Variants in CCDC178 observed in about 807,000 individuals in gnomAD.
The protein encoded by CCDC178 is coiled-coil domain containing 178.
CCDC178 carries 126 observed loss-of-function variants against 117.4 expected under a neutral mutation model. That is an observed-to-expected ratio of 1.07 (90% CI 0.93 to 1.24). The LOEUF (loss-of-function observed/expected upper bound fraction) is 1.24. CCDC178 is among the 50% of genes most tolerant of loss of function. The probability of loss-of-function intolerance (pLI) is 0.00; values close to 1 mark genes in which losing one functional copy is unlikely to be tolerated. For synonymous variants in CCDC178, 283 were observed against 313.4 expected, an observed-to-expected ratio of 0.90 and a Z score of 1.02; for missense variants, 1,030 against 986.9, an observed-to-expected ratio of 1.04 and a Z score of -0.59.
At chr18:33,280,546 G>C (rs1035551724) in intron 12 of CCDC178, among the ~76,000 whole-genome samples, 4 of 151,512 alleles carry the variant, frequency 2.6e-5, no homozygotes, top group Non-Finnish European at 2.9e-5. Flanking sequence ...TCAGTGTGGC[G>C]ATTCCTCAGG....
intron 21 of CCDC178, among the ~76,000 whole-genome samples, chr18:33,087,013 C>A (rs796279630): frequency 4.7e-5 from 6 of 128,178 alleles, no homozygotes; most frequent in African/African-American, 1.4e-4. Flanking sequence ...CACACACACA[C>A]AACAAAATAG....
intron 9 of CCDC178, among the ~76,000 whole-genome samples, chr18:33,337,626 C>T (rs1212363833): frequency 1.3e-5 from 2 of 152,026 alleles, no homozygotes; most frequent in African/African-American, 4.8e-5. Context: ...AACTGATCTT[C>T]AACAAAGCAA....
chr18:33,056,621 T>A (rs777308815), intron 21 of CCDC178, among the ~76,000 whole-genome samples: 1 of 152,178 alleles, frequency 6.6e-6, no homozygotes, highest in Non-Finnish European at 1.5e-5. Flanking sequence ...GTTTTATCCA[T>A]GAAGAAACTG....
intron 20 of CCDC178, among the ~76,000 whole-genome samples, chr18:33,147,331 C>T (rs2058280496): frequency 1.4e-5 from 2 of 147,510 alleles, no homozygotes; most frequent in South Asian, 2.1e-4. Flanking sequence ...GAGAGAGAAC[C>T]TACTCCTGCA....
chr18:33,314,200 CAAAAAAAAAAAAAAAAA>C (rs869127341), intron 11 of CCDC178, among the ~76,000 whole-genome samples: 3 of 62,426 alleles, frequency 4.8e-5, no homozygotes, highest in African/African-American at 1.9e-4. Context: ...GACTCCGTCT[CAAAAAAAAAAAAAAAAA>C]AAAAAAAAAA....
chr18:33,253,977 T>G (rs2059647159), intron 14 of CCDC178, among the ~76,000 whole-genome samples: 1 of 151,902 alleles, frequency 6.6e-6, no homozygotes, highest in Admixed American at 6.6e-5. Flanking sequence ...TTCAATAAAG[T>G]TTTTATTAAT....
At chr18:33,140,543 C>A (rs1419848694) in intron 20 of CCDC178, among the ~76,000 whole-genome samples, 1 of 152,168 alleles carries the variant, frequency 6.6e-6, no homozygotes, top group Non-Finnish European at 1.5e-5. Context: ...TACTGCCCTG[C>A]TGAATTTCAG....
chr18:33,305,331 G>A (rs988372383), intron 11 of CCDC178, among the ~76,000 whole-genome samples: 17 of 152,150 alleles, frequency 1.1e-4, no homozygotes, highest in Admixed American at 1.1e-3. Flanking sequence ...CACGCAAAGG[G>A]TTATATAGCT....
chr18:33,236,035 C>T (rs1053401499), intron 15 of CCDC178, among the ~76,000 whole-genome samples: 1 of 152,178 alleles, frequency 6.6e-6, no homozygotes, highest in East Asian at 1.9e-4. Context: ...TGCTTCTACT[C>T]TAAGACTGCC....
chr18:32,994,370 A>C (rs1398800063), intron 21 of CCDC178, among the ~76,000 whole-genome samples: 3 of 152,190 alleles, frequency 2.0e-5, no homozygotes, highest in Admixed American at 6.5e-5. Flanking sequence ...AAGTCAAAAC[A>C]CCAAAAACTT....
intron 20 of CCDC178, among the ~76,000 whole-genome samples, chr18:33,202,973 A>T (rs909712638): frequency 2.0e-5 from 3 of 152,216 alleles, no homozygotes; most frequent in African/African-American, 7.2e-5. Flanking sequence ...GTTGAATAGT[A>T]GTAGATCATA....
chr18:33,264,075 G>C (rs1189473647), intron 14 of CCDC178, among the ~76,000 whole-genome samples: 1 of 152,030 alleles, frequency 6.6e-6, no homozygotes, highest in Admixed American at 6.6e-5. Context: ...TTAAATATCT[G>C]TGTCAAACAA....
chr18:33,060,510 C>G (rs1017275876), intron 21 of CCDC178, among the ~76,000 whole-genome samples: 23 of 151,838 alleles, frequency 1.5e-4, no homozygotes, highest in African/African-American at 5.3e-4. Context: ...TCTACTTACT[C>G]TAAACAAATT....
chr18:33,117,824 C>G (rs1471679461), intron 20 of CCDC178, among the ~76,000 whole-genome samples: 2 of 151,876 alleles, frequency 1.3e-5, no homozygotes, highest in African/African-American at 2.4e-5. Flanking sequence ...TGACCCAAAC[C>G]CTCATTCTTG....
chr18:33,194,984 T>C (rs185643), intron 20 of CCDC178, among the ~76,000 whole-genome samples: 2 of 135,460 alleles, frequency 1.5e-5, no homozygotes, highest in East Asian at 4.3e-4. Context: ...CCAGGTGCAG[T>C]GGTATGCACC....
intron 11 of CCDC178, among the ~76,000 whole-genome samples, chr18:33,317,715 A>G (rs560596032): frequency 6.6e-6 from 1 of 152,302 alleles, no homozygotes; most frequent in African/African-American, 2.4e-5. Flanking sequence ...AAGAATGAGG[A>G]GTGAATATAC....
chr18:33,141,241 G>A (rs777482176), intron 20 of CCDC178, among the ~76,000 whole-genome samples: 2 of 152,180 alleles, frequency 1.3e-5, no homozygotes, highest in Non-Finnish European at 2.9e-5. Context: ...AAAGCACACA[G>A]AAGGGAGACA....
intron 20 of CCDC178, among the ~76,000 whole-genome samples, chr18:33,123,455 ACT>A (rs1221398083): frequency 2.6e-5 from 4 of 152,138 alleles, no homozygotes; most frequent in East Asian, 1.9e-4. Flanking sequence ...TGAACTACAG[ACT>A]CTCTTACTAC....
chr18:33,412,513 A>C (rs973948931), intron 2 of CCDC178, among the ~76,000 whole-genome samples: 1 of 152,084 alleles, frequency 6.6e-6, no homozygotes, highest in Admixed American at 6.5e-5. Flanking sequence ...CCTTTTTAAA[A>C]TATTTTAAGA....
Sources: allele counts gnomAD v4.1 joint callset (sites outside exome capture counted in the v4.1 genomes callset), GRCh38; gene constraint gnomAD v4.1.1; transcripts MANE v1.5; gene names NCBI Gene and HGNC (gene_info 2026-07-23, HGNC 2026-07-21).